GPR157: variants seen among roughly 807,000 people sequenced by gnomAD.
GPR157 encodes the protein G-protein coupled receptor 157.
In GPR157, 16 loss-of-function variants were observed where a neutral mutation model predicts 23.5. That is an observed-to-expected ratio of 0.68 (90% CI 0.46 to 1.04). GPR157 has a LOEUF of 1.04. Among genes scored for constraint, GPR157 ranks in the 50% least tolerant of loss-of-function variants. The pLI, the probability that GPR157 is intolerant of heterozygous loss-of-function variation, is 0.00. For synonymous variants in GPR157, 200 were observed against 221.5 expected (o/e 0.90, Z 0.86); for missense variants, 440 against 460.7 (o/e 0.96, Z 0.41).
intron 1 of GPR157, among the ~76,000 whole-genome samples, chr1:9,114,567 T>TTTGGAG (rs1324498132): frequency 1.3e-5 from 2 of 152,048 alleles, no homozygotes; most frequent in Non-Finnish European, 2.9e-5. Flanking sequence ...GGCACAGCAC[T>TTTGGAG]CCTTTGGGCT....
rs1642580999 is a variant in GPR157, at chr1:9,102,684, C to T, written c.*1735G>A. On this transcript the variant is annotated 3_prime_UTR_variant, in exon 4 of 4. Transcript: ENST00000377411. ...AAAGCTGTACTTTCTCTCACCAAGA[C>T]CCTGGAGGTAGCATTTCCACTTCCA... 1 of 152,116 alleles carries T rather than the reference C, an allele frequency of 6.6e-6. No homozygotes were observed. Among genetic ancestry groups the T allele is most frequent in the Admixed American group, 6.6e-5 (1 of 15,264 alleles). 9.4% of individuals were successfully genotyped at this position (152,116 alleles called of 1,614,324 possible).
chr1:9,100,425 A>C lies in GPR157; in HGVS notation c.*3994T>G, dbSNP rs757270427. On this transcript the variant is annotated 3_prime_UTR_variant, in exon 4 of 4. Coordinates refer to ENST00000377411, the MANE Select transcript of GPR157 (RefSeq NM_024980.5). The stretch of plus-strand genomic sequence containing the variant: ...TCACACTTTTGATGCCACAACTAGA[A>C]GTTTGTAAAAACTATTTTTCTTGTC... 1 of 152,248 alleles carries C rather than the reference A, an allele frequency of 6.6e-6. No individual in the cohort carries two copies. Among genetic ancestry groups the C allele is most frequent in the Non-Finnish European group, 1.5e-5 (1 of 68,048 alleles). 9.4% of individuals were successfully genotyped at this position (152,248 alleles called of 1,614,324 possible).
intron 1 of GPR157, among the ~76,000 whole-genome samples, chr1:9,123,254 ATATT>A (rs1362333447): frequency 3.7e-5 from 1 of 26,962 alleles, no homozygotes; most frequent in Non-Finnish European, 6.9e-5. Flanking sequence ...ATTTAAATAT[ATATT>A]TAAATATATA....
rs993456612 is a variant in GPR157, at chr1:9,103,859, A to C, written c.*560T>G. ...CGGGCTGTGCTTGCCCCTGGTGGTC[A>C]CCATGCAACCTCAGGGGAACCTTCA... On this transcript the variant is annotated 3_prime_UTR_variant, in exon 4 of 4. Coordinates refer to ENST00000377411, the MANE Select transcript of GPR157 (RefSeq NM_024980.5). The C allele has an allele frequency of 3.3e-5, 5 of 152,764 alleles. No individual in the cohort carries two copies. Among genetic ancestry groups the C allele is most frequent in the African/African-American group, 9.6e-5 (4 of 41,466 alleles). 9.5% of individuals were successfully genotyped at this position (152,764 alleles called of 1,614,324 possible). A position where few individuals can be genotyped will look rare whatever the true frequency, so the allele number is the denominator to read the frequency against.
intron 3 of GPR157, among the ~76,000 whole-genome samples, chr1:9,104,838 T>C (rs937151115): frequency 3.3e-5 from 5 of 151,790 alleles, no homozygotes; most frequent in African/African-American, 1.2e-4. Context: ...CTGTCTCTAC[T>C]GAAAATACAA....
chr1:9,111,554 G>GGT, intron 1 of GPR157, 65 bp from the exon 2 acceptor site: 1 of 1,365,974 alleles, frequency 7.3e-7, no homozygotes, highest in Non-Finnish European at 1.0e-6. Flanking sequence ...GTCAGCCTTC[G>GGT]CAAAAATGAC....
intron 2 of GPR157, 71 bp downstream of exon 2, chr1:9,111,205 C>T (rs1638483668): frequency 1.3e-6 from 2 of 1,489,852 alleles, no homozygotes; most frequent in South Asian, 2.3e-5. Context: ...GGGGGCCAAA[C>T]TCAATGCCAG....
intron 2 of GPR157, among the ~76,000 whole-genome samples, chr1:9,108,619 T>C (rs1273234736): frequency 6.6e-6 from 1 of 152,144 alleles, no homozygotes; most frequent in Non-Finnish European, 1.5e-5. Flanking sequence ...CAACTACTAA[T>C]AAAAGTCTAG....
intron 2 of GPR157, among the ~76,000 whole-genome samples, chr1:9,106,333 C>G (rs185249177): frequency 2.4e-4 from 37 of 152,258 alleles, no homozygotes; most frequent in African/African-American, 3.6e-4. Flanking sequence ...CCTGCTCCCC[C>G]CTACAGTCCA....
rs1216326542 is a variant in GPR157, at chr1:9,120,561, T to TC, written c.383+8083dup. 1.3e-5 allele frequency among the ~76,000 whole-genome samples: 2 copies of TC among 152,132 alleles called. No homozygotes were observed. The highest frequency in any genetic ancestry group is 4.8e-5 in the African/African-American group (2 of 41,408). The stretch of plus-strand genomic sequence containing the variant: ...CCCTGGGAACAATGGACACTTATTG[T>TC]CCAGCTCCAGCGGCAGAAGGGTCAG... On this transcript the variant is annotated intron_variant, in intron 1 of 3. Coordinates refer to ENST00000377411, the MANE Select transcript of GPR157 (RefSeq NM_024980.5). The surrounding 1 kb of genome is among the most constrained non-coding windows in gnomAD (Gnocchi z 4.1).
At position 9,105,364 on chromosome 1, in the gene GPR157, G is replaced by T; in HGVS notation, c.792+122C>A. On this transcript the variant is annotated intron_variant, in intron 3 of 3. Coordinates refer to ENST00000377411, the MANE Select transcript of GPR157 (RefSeq NM_024980.5). This position sits in a 1 kb window ranked among gnomAD's most constrained non-coding sequence, Gnocchi z 4.8. ...GAGGAAGGCACAGCACAGTGGGGCC[G>T]AGCTCCTCCCTGCAGCTGTGCCTTG... is the stretch of plus-strand genomic sequence containing the variant. 2 of 856,330 alleles carry T rather than the reference G, an allele frequency of 2.3e-6. No homozygotes were observed. The allele number at this position is 856,330 out of a possible 1,614,324, so 53.0% of individuals were successfully genotyped here.
At chr1:9,108,271 C>T (rs988408201) in intron 2 of GPR157, among the ~76,000 whole-genome samples, 1 of 152,186 alleles carries the variant, frequency 6.6e-6, no homozygotes, top group Non-Finnish European at 1.5e-5. Context: ...CCTCCTCCTC[C>T]TCCTCCTCCA....
At chr1:9,117,352 C>T (rs766773059) in intron 1 of GPR157, among the ~76,000 whole-genome samples, 11 of 152,174 alleles carry the variant, frequency 7.2e-5, no homozygotes, top group East Asian at 1.9e-4. Context: ...GAAGGATAAA[C>T]AGGGCAGTTC....
In GPR157 at chr1:9,104,154, G is replaced by A. The variant is rs554950684; in HGVS notation, c.*265C>T. The A allele has an allele frequency of 1.3e-5, 6 of 461,426 alleles. No individual in the cohort carries two copies. The highest frequency in any genetic ancestry group is 3.9e-5 in the African/African-American group (2 of 51,524). 28.6% of individuals were successfully genotyped at this position (461,426 alleles called of 1,614,324 possible). A position where few individuals can be genotyped will look rare whatever the true frequency, so the allele number is the denominator to read the frequency against. ...ACTGTGGCCACAGCTGTGGGCCACC[G>A]GCTTCCCGAATCTCACTGCTACCCT... On this transcript the variant is annotated 3_prime_UTR_variant, in exon 4 of 4. Coordinates refer to ENST00000377411, the MANE Select transcript of GPR157 (RefSeq NM_024980.5).
At chr1:9,123,268 ATAT>A (rs1401715715) in intron 1 of GPR157, among the ~76,000 whole-genome samples, 25 of 21,546 alleles carry the variant, frequency 1.2e-3, no homozygotes, top group African/African-American at 3.5e-3. Context: ...TTAAATATAT[ATAT>A]TTAAATATAT....
intron 2 of GPR157, among the ~76,000 whole-genome samples, chr1:9,108,952 A>AT (rs1248566770): frequency 6.6e-6 from 1 of 151,518 alleles, no homozygotes; most frequent in East Asian, 1.9e-4. Flanking sequence ...CGCTCAGCTA[A>AT]TTTTTTGTAT....
chr1:9,108,244 C>G (rs186635478), intron 2 of GPR157, among the ~76,000 whole-genome samples: 1 of 152,196 alleles, frequency 6.6e-6, no homozygotes, highest in South Asian at 2.1e-4. Flanking sequence ...TGCAACTAAC[C>G]TGCTCAGAGC....
At position 9,104,171 on chromosome 1, in the gene GPR157, T is replaced by G; in HGVS notation, c.*248A>C. Reference sequence around the variant, plus strand: ...GGGCCACCGGCTTCCCGAATCTCACTGCTACCCTTATGCAGATGAACGCCC... The same window carrying G: ...GGGCCACCGGCTTCCCGAATCTCACGGCTACCCTTATGCAGATGAACGCCC... On this transcript the variant is annotated 3_prime_UTR_variant, in exon 4 of 4. Coordinates refer to ENST00000377411, the MANE Select transcript of GPR157 (RefSeq NM_024980.5). 1.9e-6 allele frequency: 1 copy of G among 517,142 alleles called. No individual in the cohort carries two copies. The highest frequency in any genetic ancestry group is 3.2e-5 in the East Asian group (1 of 30,920). The allele number at this position is 517,142 out of a possible 1,614,324, so 32.0% of individuals were successfully genotyped here.
At chr1:9,115,533 C>T (rs1277093375) in intron 1 of GPR157, among the ~76,000 whole-genome samples, 1 of 149,708 alleles carries the variant, frequency 6.7e-6, no homozygotes, top group Non-Finnish European at 1.5e-5. Context: ...GTTGGTTGCT[C>T]ATGTCACTGG....
Sources: gnomAD v4.1 joint callset for allele counts (sites outside exome capture counted in the v4.1 genomes callset) on GRCh38, gnomAD v4.1.1 for gene constraint, Gnocchi (gnomAD v3.1) non-coding constraint, MANE v1.5 for transcripts, NCBI Gene and HGNC (gene_info 2026-07-23, HGNC 2026-07-21) for gene names.